PHACTR3: variants seen among roughly 807,000 people sequenced by gnomAD.
PHACTR3 encodes the protein protein phosphatase 1, regulatory subunit 123.
In PHACTR3, 16 loss-of-function variants were observed where a neutral mutation model predicts 66.8. That is an observed-to-expected ratio of 0.24 (90% CI 0.16 to 0.36). PHACTR3 has a LOEUF of 0.36. Ranked by LOEUF, PHACTR3 falls within the 10% of genes least tolerant of loss-of-function variation. The pLI is 1.00. For missense variants in PHACTR3, 647 were observed against 719.9 expected (o/e 0.90, Z 1.16); for synonymous variants, 323 against 292.1 (o/e 1.11, Z -1.08).
intron 10 of PHACTR3, 64 bp downstream of exon 10, chr20:59,840,494 C>T: frequency 1.9e-6 from 3 of 1,599,576 alleles, no homozygotes; most frequent in Non-Finnish European, 2.6e-6. Context: ...GCTTCGGTAG[C>T]AGGTGGGATG....
Position 59,628,586 on chromosome 20 carries a change from G to A in PHACTR3, c.118+23454G>A, listed in dbSNP as rs542740122. On this transcript the variant is annotated intron_variant, in intron 1 of 12. Coordinates refer to ENST00000371015, the MANE Select transcript of PHACTR3 (RefSeq NM_080672.5). The stretch of plus-strand genomic sequence containing the variant: ...GAGAGGCGAGCCCTGTTCTCTCCCC[G>A]AGTTCTGTTTGACAAAATTCACAAA... 26 of 983,528 alleles carry A rather than the reference G, an allele frequency of 2.6e-5. No homozygotes were observed. In the East Asian group the frequency reaches 4.6e-4, roughly 17 times the overall value. 60.9% of individuals were successfully genotyped at this position (983,528 alleles called of 1,614,324 possible).
At chr20:59,696,287 G>A (rs914841159) in intron 1 of PHACTR3, among the ~76,000 whole-genome samples, 1 of 152,196 alleles carries the variant, frequency 6.6e-6, no homozygotes, top group Non-Finnish European at 1.5e-5. Context: ...GACAGCAATA[G>A]TACAATGACG....
intron 7 of PHACTR3, among the ~76,000 whole-genome samples, chr20:59,799,313 A>G (rs956688602): frequency 2.0e-5 from 3 of 152,142 alleles, no homozygotes; most frequent in African/African-American, 4.8e-5. Context: ...AATGTCATTC[A>G]TGTCTTCAGT....
intron 2 of PHACTR3, among the ~76,000 whole-genome samples, chr20:59,746,151 C>G (rs1302871459): frequency 6.6e-6 from 1 of 152,232 alleles, no homozygotes; most frequent in African/African-American, 2.4e-5. Flanking sequence ...ATTCTGTTTT[C>G]TCTGCCCAAA....
chr20:59,764,233 C>G (rs940749966), intron 4 of PHACTR3, among the ~76,000 whole-genome samples: 2 of 149,772 alleles, frequency 1.3e-5, no homozygotes, highest in African/African-American at 5.0e-5. Flanking sequence ...GACACTGACC[C>G]CAGGCTGCCC....
intron 1 of PHACTR3, among the ~76,000 whole-genome samples, chr20:59,617,791 TTCCATCCCTCCC>T (rs1262129436): frequency 6.6e-6 from 1 of 152,018 alleles, no homozygotes; most frequent in Non-Finnish European, 1.5e-5. Context: ...TCGTCCCTCC[TTCCATCCCTCCC>T]TCTGTCCTTC....
At chr20:59,598,838 G>A (rs71321548) in intron 1 of PHACTR3, among the ~76,000 whole-genome samples, 1,540 of 152,222 alleles carry the variant, frequency 0.01, 19 homozygotes, top group Non-Finnish European at 0.014. Context: ...CAGAGGGCGC[G>A]GCTGCCCACC....
At chr20:59,815,654 A>AC (rs2041867336) in intron 8 of PHACTR3, among the ~76,000 whole-genome samples, 1 of 151,866 alleles carries the variant, frequency 6.6e-6, no homozygotes, top group South Asian at 2.1e-4. Context: ...TGATCTCTTG[A>AC]CCTCATGATC....
At chr20:59,694,433 T>C (rs1266047222) in intron 1 of PHACTR3, among the ~76,000 whole-genome samples, 1 of 151,500 alleles carries the variant, frequency 6.6e-6, no homozygotes, top group Non-Finnish European at 1.5e-5. Context: ...ACTGTAAGTA[T>C]AAAATGAAAG....
At chr20:59,682,723 G>A (rs536411637) in intron 1 of PHACTR3, among the ~76,000 whole-genome samples, 9 of 152,350 alleles carry the variant, frequency 5.9e-5, no homozygotes, top group Non-Finnish European at 7.3e-5. Context: ...TCTGAGGCAA[G>A]AGCCTTTGGG....
intron 7 of PHACTR3, among the ~76,000 whole-genome samples, chr20:59,782,961 A>T (rs528169030): frequency 5.4e-4 from 83 of 152,330 alleles, no homozygotes; most frequent in African/African-American, 2.0e-3. Context: ...CCTTCTTTGC[A>T]GGCTCCGGGA....
chr20:59,747,754 G>A lies in PHACTR3; in HGVS notation c.281-4G>A. On this transcript the variant is annotated splice_polypyrimidine_tract_variant and splice_region_variant and intron_variant, in intron 2 of 12. Coordinates refer to ENST00000371015, the MANE Select transcript of PHACTR3 (RefSeq NM_080672.5). ...ACTCACCTGTGTGTTTGTGTGTTGG[G>A]CAGCGCTGGAGAAGAAGATGGCCGG... The A allele has an allele frequency of 1.2e-6, 2 of 1,613,740 alleles. No individual in the cohort carries two copies. The highest frequency in any genetic ancestry group is 1.7e-6 in the Non-Finnish European group (2 of 1,179,876).
intron 1 of PHACTR3, among the ~76,000 whole-genome samples, chr20:59,622,145 G>T (rs1397824119): frequency 6.8e-6 from 1 of 147,924 alleles, no homozygotes; most frequent in Admixed American, 6.7e-5. Context: ...TACTTCCCCT[G>T]ATTTTTTTTT....
chr20:59,785,812 A>G (rs886712118), intron 7 of PHACTR3, among the ~76,000 whole-genome samples: 1 of 151,954 alleles, frequency 6.6e-6, no homozygotes, highest in Non-Finnish European at 1.5e-5. Context: ...GTGAGGTCCG[A>G]TCCTTAAAGC....
chr20:59,797,776 T>TA (rs2146972332), intron 7 of PHACTR3, among the ~76,000 whole-genome samples: 1 of 152,332 alleles, frequency 6.6e-6, no homozygotes, highest in African/African-American at 2.4e-5. Context: ...TAAATTACAC[T>TA]GTTGCTTTTT....
At chr20:59,774,514 G>C (rs2040460392) in intron 7 of PHACTR3, 24 bp downstream of exon 7, 2 of 1,608,394 alleles carry the variant, frequency 1.2e-6, no homozygotes, top group African/African-American at 1.3e-5. Flanking sequence ...GGCCCATTAA[G>C]TGTGGGGATC....
intron 1 of PHACTR3, among the ~76,000 whole-genome samples, chr20:59,713,755 T>C (rs918281201): frequency 2.0e-5 from 3 of 152,154 alleles, no homozygotes; most frequent in African/African-American, 7.2e-5. Flanking sequence ...CTTTTTTTTT[T>C]TCTCCTTTTT....
At chr20:59,669,307 G>A (rs1365829815) in intron 1 of PHACTR3, among the ~76,000 whole-genome samples, 1 of 152,202 alleles carries the variant, frequency 6.6e-6, no homozygotes, top group Non-Finnish European at 1.5e-5. Flanking sequence ...AACTACTGAA[G>A]ATGGGGTCAA....
intron 1 of PHACTR3, among the ~76,000 whole-genome samples, chr20:59,686,051 A>AC (rs966391550): frequency 7.4e-4 from 111 of 150,924 alleles, no homozygotes; most frequent in African/African-American, 2.2e-3. Context: ...GGGGTGGGCT[A>AC]CCCCCCCCAT....
Sources: gnomAD v4.1 joint callset for allele counts (sites outside exome capture counted in the v4.1 genomes callset) on GRCh38, gnomAD v4.1.1 for gene constraint, MANE v1.5 for transcripts, NCBI Gene and HGNC (gene_info 2026-07-23, HGNC 2026-07-21) for gene names.